The following LRMDA variants were observed in gnomAD, a reference collection of about 807,000 sequenced individuals.
The protein encoded by LRMDA is leucine-rich melanocyte differentiation-associated protein.
LRMDA carries 18 observed loss-of-function variants against 29.8 expected under a neutral mutation model. The ratio of observed to expected loss-of-function variants is 0.60; its 90% CI spans 0.42 to 0.90. The LOEUF is 0.90. LRMDA is among the 40% of genes least tolerant of loss of function. The pLI is 0.00. For missense variants in LRMDA, 273 were observed against 273.9 expected (o/e 1.00, Z 0.02); for synonymous variants, 125 against 109.4 (o/e 1.14, Z -0.89).
At chr10:75,599,644 G>A (rs776837841) in intron 2 of LRMDA, among the ~76,000 whole-genome samples, 3 of 152,176 alleles carry the variant, frequency 2.0e-5, no homozygotes, top group South Asian at 2.1e-4. Flanking sequence ...TCCAAGCTGC[G>A]CTGCCCAGCA....
At chr10:75,951,866 T>C (rs567372289) in intron 2 of LRMDA, among the ~76,000 whole-genome samples, 94 of 152,314 alleles carry the variant, frequency 6.2e-4, no homozygotes, top group African/African-American at 2.1e-3. Flanking sequence ...GACTGACCAA[T>C]TGACCCCTGG....
At chr10:75,503,323 G>T (rs1250395949) in intron 2 of LRMDA, among the ~76,000 whole-genome samples, 1 of 152,140 alleles carries the variant, frequency 6.6e-6, no homozygotes, top group Non-Finnish European at 1.5e-5. Flanking sequence ...TATGCAGTTT[G>T]GGTGTTGTGG....
At chr10:76,353,330 TTGTGTGTGTGTGTG>T (rs3998122) in intron 6 of LRMDA, among the ~76,000 whole-genome samples, 1 of 146,192 alleles carries the variant, frequency 6.8e-6, no homozygotes, top group Non-Finnish European at 1.5e-5. Context: ...AGCTGTGGAG[TTGTGTGTGTGTGTG>T]TGTGTGTGTG....
chr10:76,008,119 G>A (rs761769466), intron 2 of LRMDA, among the ~76,000 whole-genome samples: 22 of 152,302 alleles, frequency 1.4e-4, no homozygotes, highest in African/African-American at 4.6e-4. Flanking sequence ...GGCGGGGGCC[G>A]GGGAGAAGCC....
chr10:76,138,302 G>A (rs976057450), intron 5 of LRMDA, among the ~76,000 whole-genome samples: 4 of 152,078 alleles, frequency 2.6e-5, no homozygotes, highest in Admixed American at 1.3e-4. Flanking sequence ...GCTGACAGGT[G>A]GGGGACAGGT....
intron 6 of LRMDA, among the ~76,000 whole-genome samples, chr10:76,399,221 G>A (rs1478888562): frequency 6.6e-6 from 1 of 152,154 alleles, no homozygotes; most frequent in Non-Finnish European, 1.5e-5. Flanking sequence ...TTATTTACAT[G>A]TCAGTGTATG....
chr10:76,047,569 A>G (rs1378396319), intron 4 of LRMDA, among the ~76,000 whole-genome samples: 1 of 152,204 alleles, frequency 6.6e-6, no homozygotes, highest in Non-Finnish European at 1.5e-5. Context: ...TCCAAGTTAC[A>G]TGGACTTGTC....
chr10:75,704,472 G>C (rs980870030), intron 2 of LRMDA, among the ~76,000 whole-genome samples: 4 of 152,100 alleles, frequency 2.6e-5, no homozygotes, highest in African/African-American at 9.7e-5. Context: ...CTTGGAAATG[G>C]CATGCTTTAA....
chr10:76,295,678 A>G (rs1329240778), intron 5 of LRMDA, among the ~76,000 whole-genome samples: 1 of 152,212 alleles, frequency 6.6e-6, no homozygotes, highest in Admixed American at 6.5e-5. Flanking sequence ...TAAAAGGACT[A>G]TAGTATCCCT....
chr10:75,972,695 A>AG (rs1188483281), intron 2 of LRMDA, among the ~76,000 whole-genome samples: 2 of 152,140 alleles, frequency 1.3e-5, no homozygotes, highest in African/African-American at 2.4e-5. Flanking sequence ...GATGGGCCTG[A>AG]GGGATGTCCA....
intron 2 of LRMDA, among the ~76,000 whole-genome samples, chr10:75,756,256 A>G (rs1276082403): frequency 1.3e-5 from 2 of 152,202 alleles, no homozygotes; most frequent in Admixed American, 6.5e-5. Flanking sequence ...AGCTAAGTCA[A>G]AGTATTGCGT....
At chr10:76,025,412 CCT>C (rs1413114756) in intron 2 of LRMDA, among the ~76,000 whole-genome samples, 1 of 151,454 alleles carries the variant, frequency 6.6e-6, no homozygotes, top group Non-Finnish European at 1.5e-5. Context: ...TCATTGCTTT[CCT>C]CTCAACTTCC....
intron 2 of LRMDA, among the ~76,000 whole-genome samples, chr10:75,959,739 A>T (rs928471615): frequency 1.3e-5 from 2 of 152,152 alleles, no homozygotes; most frequent in Non-Finnish European, 2.9e-5. Context: ...ATATTTGCTT[A>T]TCTATGTGAA....
intron 2 of LRMDA, among the ~76,000 whole-genome samples, chr10:75,830,958 T>C (rs1844331030): frequency 6.6e-6 from 1 of 151,908 alleles, no homozygotes. Flanking sequence ...AGGAATTGGG[T>C]AAATACAGCC....
At chr10:76,397,141 C>G (rs1841794432) in intron 6 of LRMDA, among the ~76,000 whole-genome samples, 1 of 152,164 alleles carries the variant, frequency 6.6e-6, no homozygotes, top group South Asian at 2.1e-4. Flanking sequence ...GATGGGAAGT[C>G]TGTCTTTCCC....
chr10:76,238,503 GTCT>G (rs1478655795), intron 5 of LRMDA, among the ~76,000 whole-genome samples: 1 of 151,210 alleles, frequency 6.6e-6, no homozygotes, highest in Non-Finnish European at 1.5e-5. Context: ...CTACCCAGGG[GTCT>G]TCTCCTCAGG....
intron 5 of LRMDA, among the ~76,000 whole-genome samples, chr10:76,275,507 A>G (rs527610450): frequency 3.8e-4 from 58 of 152,010 alleles, no homozygotes; most frequent in Non-Finnish European, 7.1e-4. Flanking sequence ...TAAATTATCT[A>G]ATTATTTTAT....
chr10:76,062,452 T>C (rs1848716522), intron 5 of LRMDA, among the ~76,000 whole-genome samples: 1 of 152,150 alleles, frequency 6.6e-6, no homozygotes, highest in Non-Finnish European at 1.5e-5. Context: ...TCTGATTGGG[T>C]ACCTGGCAGG....
intron 6 of LRMDA, among the ~76,000 whole-genome samples, chr10:76,373,354 C>A (rs565795072): frequency 1.2e-4 from 19 of 152,066 alleles, no homozygotes; most frequent in African/African-American, 3.9e-4. Flanking sequence ...AGGCTTGTTG[C>A]CTTGCTTATT....
Sources: gnomAD v4.1 joint callset for allele counts (sites outside exome capture counted in the v4.1 genomes callset) on GRCh38, gnomAD v4.1.1 for gene constraint, MANE v1.5 for transcripts, NCBI Gene and HGNC (gene_info 2026-07-23, HGNC 2026-07-21) for gene names.